EXOC6B: variants seen among roughly 807,000 people sequenced by gnomAD.
The protein encoded by EXOC6B is SEC15 homolog B.
In EXOC6B, 54 loss-of-function variants were observed where a neutral mutation model predicts 113.5. The ratio of observed to expected loss-of-function variants is 0.48; its 90% CI spans 0.38 to 0.60. The LOEUF (loss-of-function observed/expected upper bound fraction) is 0.60. Among genes scored for constraint, EXOC6B ranks in the 20% least tolerant of loss-of-function variants. The pLI is 0.00. For synonymous variants in EXOC6B, 357 were observed against 339.0 expected, an observed-to-expected ratio of 1.05 and a Z score of -0.58; for missense variants, 797 against 977.5, an observed-to-expected ratio of 0.82 and a Z score of 2.46.
At position 72,514,696 on chromosome 2, in the gene EXOC6B, G is replaced by T; in HGVS notation, c.1000-16C>A. 6.8e-7 allele frequency: 1 copy of T among 1,468,660 alleles called. No homozygotes were observed. Among genetic ancestry groups the T allele is most frequent in the Non-Finnish European group, 9.1e-7 (1 of 1,098,024 alleles). 91.0% of individuals were successfully genotyped at this position (1,468,660 alleles called of 1,614,324 possible). A position where few individuals can be genotyped will look rare whatever the true frequency, so the allele number is the denominator to read the frequency against. ...AAGTTTCATGCTGCAACAAAGCAAAGAAGAAAAAGTTATTGTTTCTGTTTT... is the reference window on the plus strand; with the variant it reads ...AAGTTTCATGCTGCAACAAAGCAAATAAGAAAAAGTTATTGTTTCTGTTTT... On this transcript the variant is annotated splice_polypyrimidine_tract_variant and intron_variant, in intron 9 of 21. Transcript: ENST00000272427.
At chr2:72,329,562 AT>A (rs1186452066) in intron 20 of EXOC6B, among the ~76,000 whole-genome samples, 1 of 151,982 alleles carries the variant, frequency 6.6e-6, no homozygotes, top group Non-Finnish European at 1.5e-5. Flanking sequence ...TAAAGTTAAG[AT>A]TTTTTCCTAT....
At position 72,496,486 on chromosome 2, in the gene EXOC6B, G is replaced by A; in HGVS notation, c.1411C>T (p.Gln471Ter). The A allele has an allele frequency of 6.2e-7, 1 of 1,600,122 alleles. No homozygotes were observed. Among genetic ancestry groups the A allele is most frequent in the Non-Finnish European group, 8.5e-7 (1 of 1,171,252 alleles). ...SEEMYKKVVG[Q>*]FPFQDIELEK... Reference sequence around the variant, plus strand: ...AGTTCTATATCTTGAAATGGGAATTGTCCTACCACCTTTTTGTACATCTCT... The same window carrying A: ...AGTTCTATATCTTGAAATGGGAATTATCCTACCACCTTTTTGTACATCTCT... The change falls in exon 14 of 22, where the codon CAA (glutamine) becomes TAA (stop). Residue 471 changes from glutamine to a stop codon, truncating the protein, a stop_gained. Transcript: ENST00000272427. LOFTEE classifies it high-confidence loss of function.
intron 6 of EXOC6B, among the ~76,000 whole-genome samples, chr2:72,679,275 C>T (rs1412580044): frequency 1.3e-5 from 2 of 152,030 alleles, no homozygotes; most frequent in Admixed American, 6.6e-5. Context: ...ACCATGTTGG[C>T]CAAGCTGGTC....
chr2:72,261,112 A>G (rs1683686128), intron 20 of EXOC6B, among the ~76,000 whole-genome samples: 2 of 152,188 alleles, frequency 1.3e-5, no homozygotes, highest in African/African-American at 2.4e-5. Context: ...AATGACCCCC[A>G]ACTATTTAGA....
intron 1 of EXOC6B, among the ~76,000 whole-genome samples, chr2:72,754,452 A>C (rs189739638): frequency 9.9e-5 from 15 of 151,760 alleles, no homozygotes; most frequent in Admixed American, 4.6e-4. Flanking sequence ...GGGTACTGTC[A>C]AACTCCTAGC....
chr2:72,298,334 C>G (rs1289619800), intron 20 of EXOC6B, among the ~76,000 whole-genome samples: 1 of 151,948 alleles, frequency 6.6e-6, no homozygotes, highest in Non-Finnish European at 1.5e-5. Flanking sequence ...TTTCCATTTG[C>G]TTGGTAAATA....
intron 8 of EXOC6B, among the ~76,000 whole-genome samples, chr2:72,528,727 T>A (rs891026737): frequency 1.3e-5 from 2 of 152,100 alleles, no homozygotes; most frequent in South Asian, 4.1e-4. Context: ...CATTTAGTAG[T>A]TTTCAGCATA....
chr2:72,496,583 G>A lies in EXOC6B; in HGVS notation c.1338-24C>T, dbSNP rs554999483. ...TTCTATAAATGGAAGGATAGACAAA[G>A]GGAAGGGAAGGATAGACAAAGTGGG... On this transcript the variant is annotated intron_variant, in intron 13 of 21. Transcript: ENST00000272427. The A allele has an allele frequency of 6.3e-5, 92 of 1,455,368 alleles. 1 individual carries two copies. In the East Asian group the frequency reaches 2.0e-3, roughly 32 times the overall value. 90.2% of individuals were successfully genotyped at this position (1,455,368 alleles called of 1,614,324 possible). A position where few individuals can be genotyped will look rare whatever the true frequency, so the allele number is the denominator to read the frequency against.
chr2:72,777,393 T>C (rs971190353), intron 1 of EXOC6B, among the ~76,000 whole-genome samples: 1 of 152,126 alleles, frequency 6.6e-6, no homozygotes, highest in Non-Finnish European at 1.5e-5. Flanking sequence ...ATTTAAAATG[T>C]TATTTTAAAT....
intron 19 of EXOC6B, among the ~76,000 whole-genome samples, chr2:72,367,468 A>C (rs1690701499): frequency 6.6e-6 from 1 of 152,210 alleles, no homozygotes; most frequent in Non-Finnish European, 1.5e-5. Flanking sequence ...ATGGTAGAAT[A>C]TATGATTACA....
intron 11 of EXOC6B, among the ~76,000 whole-genome samples, chr2:72,508,713 G>A (rs939602671): frequency 9.2e-5 from 14 of 152,104 alleles, no homozygotes; most frequent in African/African-American, 2.9e-4. Context: ...GGCAGAGGTC[G>A]CAGTGAGCTG....
intron 19 of EXOC6B, among the ~76,000 whole-genome samples, chr2:72,350,418 A>G (rs1689587652): frequency 1.3e-5 from 2 of 152,190 alleles, no homozygotes; most frequent in Admixed American, 6.5e-5. Context: ...ATGCAATTAG[A>G]TCAATATTAA....
intron 6 of EXOC6B, among the ~76,000 whole-genome samples, chr2:72,678,885 T>A (rs1218082591): frequency 1.3e-5 from 2 of 152,218 alleles, no homozygotes; most frequent in African/African-American, 4.8e-5. Flanking sequence ...TGTTTTGTAA[T>A]CTACTAGGAT....
At chr2:72,470,324 C>A (rs80158200) in intron 17 of EXOC6B, among the ~76,000 whole-genome samples, 1 of 151,932 alleles carries the variant, frequency 6.6e-6, no homozygotes. Context: ...CCTAGGTATT[C>A]TAATGTTTTT....
At chr2:72,257,973 G>A (rs1683453590) in intron 20 of EXOC6B, among the ~76,000 whole-genome samples, 3 of 152,094 alleles carry the variant, frequency 2.0e-5, no homozygotes, top group Admixed American at 2.0e-4. Flanking sequence ...CTGCAAAAAG[G>A]GCATTCTCTG....
At chr2:72,397,019 A>G (rs1440400639) in intron 18 of EXOC6B, among the ~76,000 whole-genome samples, 2 of 151,934 alleles carry the variant, frequency 1.3e-5, no homozygotes, top group East Asian at 3.9e-4. Context: ...CTTTTTACTC[A>G]TTATCTATGT....
chr2:72,389,506 T>C (rs907223371), intron 18 of EXOC6B, among the ~76,000 whole-genome samples: 39 of 152,100 alleles, frequency 2.6e-4, no homozygotes, highest in African/African-American at 9.4e-4. Context: ...TTTGCTCCTC[T>C]ATGTAGATGC....
chr2:72,224,233 C>A (rs1393606284), intron 20 of EXOC6B, among the ~76,000 whole-genome samples: 1 of 152,162 alleles, frequency 6.6e-6, no homozygotes, highest in African/African-American at 2.4e-5. Context: ...AAAATATTAA[C>A]TCCTCTGCAA....
At chr2:72,706,206 G>C (rs976948837) in intron 6 of EXOC6B, among the ~76,000 whole-genome samples, 1 of 152,084 alleles carries the variant, frequency 6.6e-6, no homozygotes, top group Non-Finnish European at 1.5e-5. Context: ...TTCACAAGAA[G>C]ACACTTGTGA....
Sources: gnomAD v4.1 joint callset for allele counts (sites outside exome capture counted in the v4.1 genomes callset) on GRCh38, gnomAD v4.1.1 for gene constraint, MANE v1.5 for transcripts, NCBI Gene and HGNC (gene_info 2026-07-23, HGNC 2026-07-21) for gene names.